Variants in ERBIN observed in about 807,000 individuals in gnomAD.
ERBIN encodes densin-180-like protein.
In ERBIN, 60 loss-of-function variants were observed where a neutral mutation model predicts 158.4. That is an observed-to-expected ratio of 0.38 (90% CI 0.31 to 0.47). ERBIN has a LOEUF of 0.47. Ranked by LOEUF, ERBIN falls within the 20% of genes least tolerant of loss-of-function variation. The probability of loss-of-function intolerance (pLI) is 0.99; values close to 1 mark genes in which losing one functional copy is unlikely to be tolerated. For synonymous variants in ERBIN, 594 were observed against 557.2 expected (o/e 1.07, Z -0.93); for missense variants, 1,610 against 1,648.0 (o/e 0.98, Z 0.40).
At chr5:66,077,150 CAAA>C (rs397977892) in intron 25 of ERBIN, among the ~76,000 whole-genome samples, 8 of 74,574 alleles carry the variant, frequency 1.1e-4, no homozygotes, top group Non-Finnish European at 1.1e-4. Flanking sequence ...GACTCTGTCT[CAAA>C]AAAAAAAAAA....
At chr5:66,004,014 C>T (rs2151081933) in intron 4 of ERBIN, among the ~76,000 whole-genome samples, 1 of 144,040 alleles carries the variant, frequency 6.9e-6, no homozygotes, top group South Asian at 2.3e-4. Flanking sequence ...TCATAGCTCA[C>T]TGCATCCCGA....
intron 1 of ERBIN, among the ~76,000 whole-genome samples, chr5:65,977,998 A>G (rs1423443083): frequency 2.0e-5 from 3 of 152,216 alleles, no homozygotes; most frequent in South Asian, 2.1e-4. Context: ...CGAGAAAGCT[A>G]TTTCTAGGTT....
In ERBIN at chr5:66,078,456, G is replaced by A; in HGVS notation, c.4165G>A (p.Gly1389Arg). ...CTACAGTTTTATAAATATTGAACATGGACAAGCAGTGTCCTTGCTAAAAAC... is the reference window on the plus strand; with the variant it reads ...CTACAGTTTTATAAATATTGAACATAGACAAGCAGTGTCCTTGCTAAAAAC... ...NGYSFINIEH[G>R]QAVSLLKTFQ... Residue 1389 changes from glycine (G) to arginine (R), a missense_variant, in exon 26 of 26, where the codon GGA becomes AGA. Physicochemically the swap from Gly to Arg is moderately radical, Grantham distance 125. Transcript: ENST00000284037. The A allele has an allele frequency of 6.3e-7, 1 of 1,587,078 alleles. No homozygotes were observed. The highest frequency in any genetic ancestry group is 8.5e-7 in the Non-Finnish European group (1 of 1,172,146).
chr5:65,977,725 C>T (rs1488045264), intron 1 of ERBIN, among the ~76,000 whole-genome samples: 3 of 151,626 alleles, frequency 2.0e-5, no homozygotes, highest in Admixed American at 6.6e-5. Context: ...GGCGGCCAGG[C>T]GGAGACGCTC....
intron 14 of ERBIN, among the ~76,000 whole-genome samples, chr5:66,030,213 A>AT (rs572386727): frequency 5.4e-5 from 8 of 148,670 alleles, no homozygotes; most frequent in South Asian, 2.2e-4. Context: ...TAATTTTTGT[A>AT]TTTTTTTTAG....
chr5:65,981,321 T>C (rs1024641196), intron 1 of ERBIN, among the ~76,000 whole-genome samples: 1 of 152,100 alleles, frequency 6.6e-6, no homozygotes, highest in African/African-American at 2.4e-5. Context: ...CTTTAAAGTT[T>C]AATAAAGAAA....
At chr5:65,992,412 G>C (rs1751975678) in intron 2 of ERBIN, among the ~76,000 whole-genome samples, 1 of 152,100 alleles carries the variant, frequency 6.6e-6, no homozygotes, top group Admixed American at 6.5e-5. Flanking sequence ...CTCCCAAAGT[G>C]CTGGGATTAC....
intron 1 of ERBIN, among the ~76,000 whole-genome samples, chr5:65,927,180 G>GAA (rs1354000380): frequency 6.6e-6 from 1 of 152,208 alleles, no homozygotes; most frequent in African/African-American, 2.4e-5. Flanking sequence ...TGTTTGGGAA[G>GAA]AAAGTTTGGT....
intron 21 of ERBIN, among the ~76,000 whole-genome samples, chr5:66,060,897 T>G (rs1001777907): frequency 1.3e-5 from 2 of 152,238 alleles, no homozygotes; most frequent in African/African-American, 4.8e-5. Flanking sequence ...TGCACTGTGG[T>G]CTGAGAGACA....
In ERBIN at chr5:66,081,456, A is replaced by C. The variant is rs1295715929; in HGVS notation, c.*2926A>C. On this transcript the variant is annotated 3_prime_UTR_variant, in exon 26 of 26. Transcript: ENST00000284037. ...CACTTAAAAAATCCCATTAGCAGCT[A>C]TGTAATATTTTTATCAACCAACATT... 1 of 152,126 alleles carries C rather than the reference A, an allele frequency of 6.6e-6. No homozygotes were observed. Among genetic ancestry groups the C allele is most frequent in the Non-Finnish European group, 1.5e-5 (1 of 67,952 alleles). 9.4% of individuals were successfully genotyped at this position (152,126 alleles called of 1,614,324 possible).
At chr5:65,988,284 G>A (rs1751482089) in intron 1 of ERBIN, among the ~76,000 whole-genome samples, 1 of 151,964 alleles carries the variant, frequency 6.6e-6, no homozygotes, top group South Asian at 2.1e-4. Flanking sequence ...GAGGTGGGAG[G>A]ATTGATTGTG....
chr5:66,027,424 A>G (rs1756389125), intron 13 of ERBIN, among the ~76,000 whole-genome samples: 2 of 152,016 alleles, frequency 1.3e-5, no homozygotes, highest in Non-Finnish European at 1.5e-5. Flanking sequence ...CTTAAATAAG[A>G]TATTTTCATT....
chr5:66,058,917 C>T (rs140742554), intron 21 of ERBIN, among the ~76,000 whole-genome samples: 13 of 152,258 alleles, frequency 8.5e-5, no homozygotes, highest in Admixed American at 6.5e-4. Context: ...GTACCAGTAC[C>T]GTGCCGTTTT....
At chr5:66,015,354 A>AAC (rs1561375416) in intron 7 of ERBIN, among the ~76,000 whole-genome samples, 3 of 147,850 alleles carry the variant, frequency 2.0e-5, no homozygotes, top group African/African-American at 5.0e-5. Context: ...ACTACAGTCT[A>AAC]TGATTAAATC....
intron 1 of ERBIN, among the ~76,000 whole-genome samples, chr5:65,940,420 G>C (rs1422402578): frequency 7.0e-6 from 1 of 143,444 alleles, no homozygotes; most frequent in Non-Finnish European, 1.5e-5. Flanking sequence ...GGAGGTGGGG[G>C]GGTCAGCCCC....
chr5:66,069,883 G>C (rs1761371036), intron 21 of ERBIN, among the ~76,000 whole-genome samples: 1 of 152,082 alleles, frequency 6.6e-6, no homozygotes, highest in South Asian at 2.1e-4. Context: ...TTCTTCTGGT[G>C]TTACAGAATA....
Position 66,014,732 on chromosome 5 carries a change from A to G in ERBIN, c.533+7A>G. On this transcript the variant is annotated splice_region_variant and intron_variant, in intron 7 of 25. Coordinates refer to ENST00000284037, the MANE Select transcript of ERBIN (RefSeq NM_001253697.2). ...AGTTAAAAATGTTGCCTAAGTAAGTAAAGGTGCTATTCTTTAAAAAACTTA... is the reference window on the plus strand; with the variant it reads ...AGTTAAAAATGTTGCCTAAGTAAGTGAAGGTGCTATTCTTTAAAAAACTTA... 1 of 1,385,672 alleles carries G rather than the reference A, an allele frequency of 7.2e-7. No individual in the cohort carries two copies. Among genetic ancestry groups the G allele is most frequent in the Non-Finnish European group, 9.8e-7 (1 of 1,020,104 alleles). 85.8% of individuals were successfully genotyped at this position (1,385,672 alleles called of 1,614,324 possible). A position where few individuals can be genotyped will look rare whatever the true frequency, so the allele number is the denominator to read the frequency against.
At chr5:66,047,952 G>A (rs764552062) in intron 18 of ERBIN, among the ~76,000 whole-genome samples, 9 of 151,940 alleles carry the variant, frequency 5.9e-5, no homozygotes, top group Non-Finnish European at 8.8e-5. Context: ...GATAGACTGT[G>A]CTAAGTGTGT....
At chr5:65,993,998 A>G (rs1046588016) in intron 3 of ERBIN, among the ~76,000 whole-genome samples, 5 of 152,190 alleles carry the variant, frequency 3.3e-5, no homozygotes, top group Non-Finnish European at 5.9e-5. Flanking sequence ...GTATATACAT[A>G]CTGGATGACA....
Sources: gnomAD v4.1 joint callset for allele counts (sites outside exome capture counted in the v4.1 genomes callset) on GRCh38, gnomAD v4.1.1 for gene constraint, MANE v1.5 for transcripts, NCBI Gene and HGNC (gene_info 2026-07-23, HGNC 2026-07-21) for gene names.